The following NOTCH1 variants were observed in gnomAD, a reference collection of about 807,000 sequenced individuals.
NOTCH1 encodes the protein notch receptor 1.
In NOTCH1, 37 loss-of-function variants were observed where a neutral mutation model predicts 254.8. That is an observed-to-expected ratio of 0.15 (90% CI 0.11 to 0.19). The LOEUF (loss-of-function observed/expected upper bound fraction) is 0.19, where lower values mean the gene tolerates loss of function less well. NOTCH1 is among the 10% of genes least tolerant of loss of function. The pLI is 1.00. For synonymous variants in NOTCH1, 1,731 were observed against 1,618.1 expected (o/e 1.07, Z -1.68); for missense variants, 2,972 against 3,708.6 (o/e 0.80, Z 5.16).
chr9:136,511,356 A>G, intron 15 of NOTCH1, 85 bp from the exon 16 acceptor site: 1 of 1,501,442 alleles, frequency 6.7e-7, no homozygotes, highest in Non-Finnish European at 8.9e-7. Context: ...TCTTTCCGCC[A>G]TCAGAGTGCC....
rs1369268679 is a variant in NOTCH1 at position 136,494,824 on chromosome 9, A to AT, written c.*1246dup. ...CACCTTTAAAAACATATTTACAGAC[A>AT]TTTTTTCTGCCATAGGCTATACTTG... On this transcript the variant is annotated 3_prime_UTR_variant, in exon 34 of 34. Coordinates refer to ENST00000651671, the MANE Select transcript of NOTCH1 (RefSeq NM_017617.5). 2 of 398,426 alleles carry AT rather than the reference A, an allele frequency of 5.0e-6. No homozygotes were observed. The highest frequency in any genetic ancestry group is 2.1e-5 in the African/African-American group (1 of 48,560). 24.7% of individuals were successfully genotyped at this position (398,426 alleles called of 1,614,324 possible). A position where few individuals can be genotyped will look rare whatever the true frequency, so the allele number is the denominator to read the frequency against.
intron 30 of NOTCH1, 96 bp downstream of exon 30, chr9:136,501,651 GT>G (rs1842996698): frequency 1.4e-6 from 2 of 1,461,132 alleles, no homozygotes; most frequent in Non-Finnish European, 1.9e-6. Flanking sequence ...CCAATTCTAA[GT>G]TTCCAGAGTA....
intron 2 of NOTCH1, among the ~76,000 whole-genome samples, chr9:136,525,823 T>G (rs1287688737): frequency 1.3e-5 from 2 of 152,100 alleles, no homozygotes; most frequent in Non-Finnish European, 2.9e-5. Context: ...CACGCCCCTG[T>G]CCCAAAGGCC....
Position 136,500,766 on chromosome 9 carries a change from G to A in NOTCH1, c.5720C>T (p.Pro1907Leu), listed in dbSNP as rs970443298. 1.2e-5 allele frequency: 19 copies of A among 1,603,866 alleles called. No individual in the cohort carries two copies. The highest frequency in any genetic ancestry group is 3.3e-5 in the Admixed American group (2 of 59,992). Residue 1907 changes from proline (P) to leucine (L), a missense_variant, in exon 31 of 34, where the codon CCG becomes CTG. By Grantham distance (98) the Pro-to-Leu change is moderately conservative (BLOSUM62 -3). Transcript: ENST00000651671. ...TGNSEEEEDA[P>L]AVISDFIYQG... ...GTAGATGAAGTCGGAGATGACGGCC[G>A]GCGCGTCCTCCTCTTCCTCGCTGTT...
At chr9:136,512,987 G>GCCCCCTCCAGCACAGGCCCCA (rs1843206047) in intron 15 of NOTCH1, 34 bp downstream of exon 15, 3 of 362,648 alleles carry the variant, frequency 8.3e-6, no homozygotes, top group Non-Finnish European at 1.5e-5. Flanking sequence ...CATAGGCCCC[G>GCCCCCTCCAGCACAGGCCCCA]CCCCCTCCAG....
intron 2 of NOTCH1, among the ~76,000 whole-genome samples, chr9:136,532,551 T>A (rs891976361): frequency 6.6e-6 from 1 of 151,722 alleles, no homozygotes; most frequent in African/African-American, 2.4e-5. Context: ...AGATGACACA[T>A]CCCCGGGGGA....
chr9:136,513,941 T>C lies in NOTCH1; in HGVS notation c.2208-404A>G, dbSNP rs760209522. On this transcript the variant is annotated intron_variant, in intron 13 of 33. Coordinates refer to ENST00000651671, the MANE Select transcript of NOTCH1 (RefSeq NM_017617.5). The surrounding 1 kb of genome is among the most constrained non-coding windows in gnomAD (Gnocchi z 4.7). ...GAGATCATGCCATTGCACTCCAGCCTGGACAACAGAGCAAGGCTCTGTCTC... is the reference window on the plus strand; with the variant it reads ...GAGATCATGCCATTGCACTCCAGCCCGGACAACAGAGCAAGGCTCTGTCTC... Among the ~76,000 whole-genome samples, 11 of 152,196 alleles carry C rather than the reference T, an allele frequency of 7.2e-5. No individual in the cohort carries two copies. Among genetic ancestry groups the C allele is most frequent in the Non-Finnish European group, 1.6e-4 (11 of 68,044 alleles).
chr9:136,501,749 A>G lies in NOTCH1; in HGVS notation c.5637T>C (p.Pro1879=), dbSNP rs1842997926. Residue 1879 remains proline, a splice_region_variant and synonymous_variant, in exon 30 of 34, where the codon CCT becomes CCC. Coordinates refer to ENST00000651671, the MANE Select transcript of NOTCH1 (RefSeq NM_017617.5). The part of the protein sequence containing the change: ...ADCMDVNVRG[P]DGFTPLMIAS... Reference sequence around the variant, plus strand: ...AGCCCTGGCTGCTGGCACCCTTACCAGGCCCGCGGACATTGACGTCCATGC... The same window carrying G: ...AGCCCTGGCTGCTGGCACCCTTACCGGGCCCGCGGACATTGACGTCCATGC... 1.2e-6 allele frequency: 2 copies of G among 1,611,198 alleles called. No homozygotes were observed. The highest frequency in any genetic ancestry group is 1.1e-5 in the South Asian group (1 of 91,032).
intron 21 of NOTCH1, 113 bp from the exon 22 acceptor site, chr9:136,507,550 C>T (rs1843108503): frequency 1.7e-5 from 24 of 1,439,912 alleles, no homozygotes; most frequent in Non-Finnish European, 2.0e-5. Flanking sequence ...TCAGGTCCAG[C>T]GAAGCCACGG....
At chr9:136,543,732 G>T in intron 2 of NOTCH1, 1 of 552,980 alleles carries the variant, frequency 1.8e-6, no homozygotes, top group Non-Finnish European at 3.3e-6. Flanking sequence ...GTTTCTTGGG[G>T]ACTTAAAGAA....
Position 136,505,760 on chromosome 9 carries a change from G to A in NOTCH1, c.4136C>T (p.Thr1379Met), listed in dbSNP as rs764123906. ...GGCCGGGAACTGGCATTCGGGGCCCGTGAAGGGGCCCAGGCACAGGCAGGT... is the reference window on the plus strand; with the variant it reads ...GGCCGGGAACTGGCATTCGGGGCCCATGAAGGGGCCCAGGCACAGGCAGGT... ...SPTCLCLGPFTGPECQFPASS... is the reference protein window; with the variant it reads ...SPTCLCLGPFMGPECQFPASS... Residue 1379 changes from threonine (T) to methionine (M), a missense_variant, in exon 25 of 34, where the codon ACG (threonine) becomes ATG (methionine). By Grantham distance (81) the Thr-to-Met change is moderately conservative. Transcript: ENST00000651671. 18 of 1,586,482 alleles carry A rather than the reference G, an allele frequency of 1.1e-5. No homozygotes were observed. Among genetic ancestry groups the A allele is most frequent in the East Asian group, 9.0e-5 (4 of 44,454 alleles).
In NOTCH1 at chr9:136,495,395, A is replaced by C; in HGVS notation, c.*676T>G. The C allele has an allele frequency of 2.5e-6, 1 of 399,038 alleles. No homozygotes were observed. The highest frequency in any genetic ancestry group is 4.4e-6 in the Non-Finnish European group (1 of 226,214). 24.7% of individuals were successfully genotyped at this position (399,038 alleles called of 1,614,324 possible). A position where few individuals can be genotyped will look rare whatever the true frequency, so the allele number is the denominator to read the frequency against. Reference sequence around the variant, plus strand: ...GTGCACTCTTGGCATACACACTCCGAGAACACATTTTCACAAGCATGCTTG... The same window carrying C: ...GTGCACTCTTGGCATACACACTCCGCGAACACATTTTCACAAGCATGCTTG... On this transcript the variant is annotated 3_prime_UTR_variant, in exon 34 of 34. Coordinates refer to ENST00000651671, the MANE Select transcript of NOTCH1 (RefSeq NM_017617.5).
chr9:136,518,759 T>C lies in NOTCH1; in HGVS notation c.931A>G (p.Thr311Ala), dbSNP rs202145498. 16 of 1,582,828 alleles carry C rather than the reference T, an allele frequency of 1.0e-5. No homozygotes were observed. Among genetic ancestry groups the C allele is most frequent in the Middle Eastern group, 1.8e-4 (1 of 5,532 alleles). The change falls in exon 6 of 34, where the codon ACC (threonine) becomes GCC (alanine). Residue 311 changes from threonine to alanine, a missense_variant. Physicochemically the swap from Thr to Ala is moderately conservative, Grantham distance 58. Coordinates refer to ENST00000651671, the MANE Select transcript of NOTCH1 (RefSeq NM_017617.5). Reference sequence around the variant, plus strand: ...TAGCCACCGTGGGTGTTGTGGCAGGTCCCGCCGTTCTGGCAGGCATTTGGC... The same window carrying C: ...TAGCCACCGTGGGTGTTGTGGCAGGCCCCGCCGTTCTGGCAGGCATTTGGC... Reference protein sequence around the residue: ...LMPNACQNGGTCHNTHGGYNC... With the variant: ...LMPNACQNGGACHNTHGGYNC...
At chr9:136,521,707 C>T (rs879343481) in intron 4 of NOTCH1, among the ~76,000 whole-genome samples, 19 of 152,218 alleles carry the variant, frequency 1.2e-4, no homozygotes, top group African/African-American at 3.1e-4. Context: ...ACCCCACGCT[C>T]GCCCAGTGAC....
chr9:136,511,745 C>T (rs1358569257), intron 15 of NOTCH1, among the ~76,000 whole-genome samples: 1 of 152,236 alleles, frequency 6.6e-6, no homozygotes, highest in Non-Finnish European at 1.5e-5. Flanking sequence ...GCAGCAAACG[C>T]CCATCACGGG....
intron 2 of NOTCH1, among the ~76,000 whole-genome samples, chr9:136,541,348 G>T (rs934119580): frequency 6.6e-6 from 1 of 152,198 alleles, no homozygotes; most frequent in African/African-American, 2.4e-5. Context: ...GGAAAGAAAT[G>T]ATTCACCCAG....
rs1183164396 is a variant in NOTCH1 at position 136,496,853 on chromosome 9, A to G, written c.6886T>C (p.Phe2296Leu). 2.5e-6 allele frequency: 4 copies of G among 1,612,754 alleles called. No homozygotes were observed. The South Asian group carries it at 3.3e-5, about 13-fold the overall frequency. ...AAACTGGTGGACCCGCCCACAGTGA[A>G]ATTCAGGGCCCCTCCGCTGCTGGAG... ...LGSSSGGALN[F>L]TVGGSTSLNG... The change falls in exon 34 of 34, where the codon TTC (phenylalanine) becomes CTC (leucine). Residue 2296 changes from phenylalanine to leucine, a missense_variant. Physicochemically the swap from Phe to Leu is conservative, Grantham distance 22. Coordinates refer to ENST00000651671, the MANE Select transcript of NOTCH1 (RefSeq NM_017617.5).
intron 15 of NOTCH1, 97 bp from the exon 16 acceptor site, chr9:136,511,368 T>C (rs1453827430): frequency 1.4e-6 from 2 of 1,468,674 alleles, no homozygotes; most frequent in Non-Finnish European, 1.8e-6. Context: ...CAGAGTGCCG[T>C]CTGCTGGTCC....
At position 136,504,927 on chromosome 9, in the gene NOTCH1, G is replaced by A. The variant is rs758692403; in HGVS notation, c.4764C>T (p.Ser1588=). 1.3e-6 allele frequency: 2 copies of A among 1,588,258 alleles called. No homozygotes were observed. The highest frequency in any genetic ancestry group is 1.7e-6 in the Non-Finnish European group (2 of 1,168,460). The change falls in exon 26 of 34, where the codon AGC becomes AGT. Residue 1588 remains serine (S), a synonymous_variant. Coordinates refer to ENST00000651671, the MANE Select transcript of NOTCH1 (RefSeq NM_017617.5). ...VLMPPEQLRN[S]SFHFLRELSR... Reference sequence around the variant, plus strand: ...TGAGCTCCCGCAGGAAGTGGAAGGAGCTGTTGCGCAGCTGCTCCGGCGGCA... The same window carrying A: ...TGAGCTCCCGCAGGAAGTGGAAGGAACTGTTGCGCAGCTGCTCCGGCGGCA...
Sources: allele counts gnomAD v4.1 joint callset (sites outside exome capture counted in the v4.1 genomes callset), GRCh38; gene constraint gnomAD v4.1.1; non-coding constraint Gnocchi (gnomAD v3.1); transcripts MANE v1.5; gene names NCBI Gene and HGNC (gene_info 2026-07-23, HGNC 2026-07-21).